Variants in MTMR6 observed in about 807,000 individuals in gnomAD.
The protein encoded by MTMR6 is myotubularin related protein 6.
MTMR6 carries 47 observed loss-of-function variants against 80.1 expected under a neutral mutation model. The ratio of observed to expected loss-of-function variants is 0.59; its 90% CI spans 0.46 to 0.75. MTMR6 has a LOEUF of 0.75. Among genes scored for constraint, MTMR6 ranks in the 30% least tolerant of loss-of-function variants. MTMR6 has a pLI of 0.00. For synonymous variants in MTMR6, 254 were observed against 253.0 expected (o/e 1.00, Z -0.04); for missense variants, 629 against 730.9 (o/e 0.86, Z 1.61).
chr13:25,268,194 C>A (rs1031776279), intron 2 of MTMR6, among the ~76,000 whole-genome samples: 1 of 152,160 alleles, frequency 6.6e-6, no homozygotes, highest in Non-Finnish European at 1.5e-5. Context: ...GTTTCTGTAA[C>A]CCATCTACTT....
chr13:25,258,724 A>G, intron 6 of MTMR6, 32 bp from the exon 7 acceptor site: 4 of 1,493,022 alleles, frequency 2.7e-6, no homozygotes, highest in Non-Finnish European at 3.5e-6. Context: ...ATTTAGAGAC[A>G]AATTACTTTT....
At chr13:25,263,862 GGAAACAAAGCGA>G in intron 5 of MTMR6, among the ~76,000 whole-genome samples, 1 of 152,100 alleles carries the variant, frequency 6.6e-6, no homozygotes, top group East Asian at 1.9e-4. Flanking sequence ...CTCCAGCCTG[GGAAACAAAGCGA>G]GACCTTGTCT....
At chr13:25,264,903 G>T (rs966813303) in intron 5 of MTMR6, among the ~76,000 whole-genome samples, 1 of 152,012 alleles carries the variant, frequency 6.6e-6, no homozygotes, top group East Asian at 1.9e-4. Flanking sequence ...AGACAAGGAA[G>T]TAATTTACCC....
Position 25,287,475 on chromosome 13 carries a change from G to C in MTMR6, c.-228C>G. The C allele has an allele frequency of 1.7e-6, 1 of 592,412 alleles. No homozygotes were observed. Among genetic ancestry groups the C allele is most frequent in the Non-Finnish European group, 3.0e-6 (1 of 329,622 alleles). 36.7% of individuals were successfully genotyped at this position (592,412 alleles called of 1,614,324 possible). On this transcript the variant is annotated 5_prime_UTR_variant, in exon 1 of 14. Coordinates refer to ENST00000381801, the MANE Select transcript of MTMR6 (RefSeq NM_004685.5). ...CCTCCCGGGGGACTCGGGGCAGGCA[G>C]ACAGAGCGTGTGTGGACCGAGAGCG...
In MTMR6 at chr13:25,287,293, C is replaced by T. The variant is rs1957973768; in HGVS notation, c.-46G>A. The T allele has an allele frequency of 1.3e-6, 2 of 1,572,482 alleles. No individual in the cohort carries two copies. Among genetic ancestry groups the T allele is most frequent in the East Asian group, 2.4e-5 (1 of 42,330 alleles). ...CAGCCGGTCTCACAGGCGTACCATA[C>T]GGCTACAGAAACAGGGCGGTGACAG... On this transcript the variant is annotated 5_prime_UTR_variant, in exon 1 of 14. Coordinates refer to ENST00000381801, the MANE Select transcript of MTMR6 (RefSeq NM_004685.5).
chr13:25,267,308 C>T (rs1957480608), intron 3 of MTMR6, among the ~76,000 whole-genome samples: 1 of 150,596 alleles, frequency 6.6e-6, no homozygotes, highest in South Asian at 2.1e-4. Context: ...CTTACTTCTA[C>T]TAAAATAGAA....
intron 13 of MTMR6, among the ~76,000 whole-genome samples, chr13:25,250,928 A>G (rs949194095): frequency 3.9e-5 from 6 of 152,362 alleles, no homozygotes; most frequent in African/African-American, 1.4e-4. Flanking sequence ...AAGTCAAGAA[A>G]AACAGTATTA....
At position 25,287,438 on chromosome 13, in the gene MTMR6, C is replaced by G; in HGVS notation, c.-191G>C. 2.9e-6 allele frequency: 2 copies of G among 697,374 alleles called. No homozygotes were observed. Among genetic ancestry groups the G allele is most frequent in the Non-Finnish European group, 2.4e-6 (1 of 411,490 alleles). The allele number at this position is 697,374 out of a possible 1,614,324, so 43.2% of individuals were successfully genotyped here. On this transcript the variant is annotated 5_prime_UTR_variant, in exon 1 of 14. Transcript: ENST00000381801. ...GCGCCGTCTCCTAGAAACACTTCCCCAAACCCCGCGGCCTCCCGGGGGACT... is the reference window on the plus strand; with the variant it reads ...GCGCCGTCTCCTAGAAACACTTCCCGAAACCCCGCGGCCTCCCGGGGGACT...
rs573647090 is a variant in MTMR6, at chr13:25,287,458, G to T, written c.-211C>A. On this transcript the variant is annotated 5_prime_UTR_variant, in exon 1 of 14. Coordinates refer to ENST00000381801, the MANE Select transcript of MTMR6 (RefSeq NM_004685.5). ...TTCCCCAAACCCCGCGGCCTCCCGGGGGACTCGGGGCAGGCAGACAGAGCG... is the reference window on the plus strand; with the variant it reads ...TTCCCCAAACCCCGCGGCCTCCCGGTGGACTCGGGGCAGGCAGACAGAGCG... The T allele has an allele frequency of 3.1e-5, 19 of 617,140 alleles. No homozygotes were observed. In the Admixed American group the frequency reaches 3.9e-4, roughly 13 times the overall value. 38.2% of individuals were successfully genotyped at this position (617,140 alleles called of 1,614,324 possible). A position where few individuals can be genotyped will look rare whatever the true frequency, so the allele number is the denominator to read the frequency against.
intron 2 of MTMR6, among the ~76,000 whole-genome samples, chr13:25,270,223 T>A (rs1215895516): frequency 1.3e-5 from 2 of 152,172 alleles, no homozygotes; most frequent in Admixed American, 6.5e-5. Context: ...AAGAAAATGA[T>A]GAAGAAACCT....
At chr13:25,260,812 T>G (rs968725737) in intron 6 of MTMR6, 36 of 360,382 alleles carry the variant, frequency 1.0e-4, no homozygotes, top group African/African-American at 7.7e-4. Context: ...ACTCTGAAAT[T>G]TGTCCCAATG....
At chr13:25,264,694 G>T (rs1021014849) in intron 5 of MTMR6, among the ~76,000 whole-genome samples, 1 of 146,756 alleles carries the variant, frequency 6.8e-6, no homozygotes, top group Non-Finnish European at 1.5e-5. Context: ...GGTGGAGGTT[G>T]CTGTGAGCCG....
chr13:25,285,947 T>C (rs966977335), intron 1 of MTMR6, among the ~76,000 whole-genome samples: 2 of 152,170 alleles, frequency 1.3e-5, no homozygotes, highest in African/African-American at 4.8e-5. Flanking sequence ...ATAATACATA[T>C]CTGGAACCAA....
At position 25,263,705 on chromosome 13, in the gene MTMR6, G is replaced by C. The variant is rs184201053; in HGVS notation, c.592-1903C>G. On this transcript the variant is annotated intron_variant, in intron 5 of 13. Coordinates refer to ENST00000381801, the MANE Select transcript of MTMR6 (RefSeq NM_004685.5). ...AGTTCGAAACCATCCTGGCCAAATG[G>C]TGAAACCCAATCTCTACTAAAAATA... Among the ~76,000 whole-genome samples the C allele has an allele frequency of 2.0e-5, 3 of 152,262 alleles. No individual in the cohort carries two copies. The East Asian group carries it at 5.8e-4, about 29-fold the overall frequency.
At chr13:25,258,124 T>C (rs1218207596) in intron 7 of MTMR6, among the ~76,000 whole-genome samples, 1 of 152,234 alleles carries the variant, frequency 6.6e-6, no homozygotes, top group Non-Finnish European at 1.5e-5. Flanking sequence ...AATTCTATAC[T>C]ATGACTGGAA....
chr13:25,270,235 G>C (rs1410854115), intron 2 of MTMR6, among the ~76,000 whole-genome samples: 1 of 152,040 alleles, frequency 6.6e-6, no homozygotes, highest in African/African-American at 2.4e-5. Context: ...AAGAAACCTG[G>C]TCCTACCACT....
Position 25,249,020 on chromosome 13 carries a change from T to G in MTMR6, c.*212A>C. ...GTAAATACATCAAATACCACTCATT[T>G]CTTACAGAACTGAATGTCATTCCTT... On this transcript the variant is annotated 3_prime_UTR_variant, in exon 14 of 14. Coordinates refer to ENST00000381801, the MANE Select transcript of MTMR6 (RefSeq NM_004685.5). 1.8e-6 allele frequency: 1 copy of G among 558,314 alleles called. No homozygotes were observed. The highest frequency in any genetic ancestry group is 3.4e-5 in the Admixed American group (1 of 29,170). The allele number at this position is 558,314 out of a possible 1,614,324, so 34.6% of individuals were successfully genotyped here. A position where few individuals can be genotyped will look rare whatever the true frequency, so the allele number is the denominator to read the frequency against.
chr13:25,257,744 A>G lies in MTMR6; in HGVS notation c.961T>C (p.Leu321=). The G allele has an allele frequency of 6.2e-7, 1 of 1,610,086 alleles. No homozygotes were observed. The highest frequency in any genetic ancestry group is 8.5e-7 in the Non-Finnish European group (1 of 1,176,710). ...GAAAGATAAAGTATTACTTTGGCCA[A>G]GAAGATTGCAGCATCCATAACAGCT... ...IKAVMDAAIF[L]AKAITVENAS... is the part of the protein sequence containing the mutation. Residue 321 remains leucine (L), a synonymous_variant, in exon 8 of 14, where the codon TTG becomes CTG. Transcript: ENST00000381801.
intron 2 of MTMR6, among the ~76,000 whole-genome samples, chr13:25,273,050 T>C (rs1957617052): frequency 6.6e-6 from 1 of 152,276 alleles, no homozygotes; most frequent in African/African-American, 2.4e-5. Flanking sequence ...AAGGAAACTC[T>C]TTCCTTTTTC....
Sources: gnomAD v4.1 joint callset for allele counts (sites outside exome capture counted in the v4.1 genomes callset) on GRCh38, gnomAD v4.1.1 for gene constraint, MANE v1.5 for transcripts, NCBI Gene and HGNC (gene_info 2026-07-23, HGNC 2026-07-21) for gene names.